Variants in TNFSF4 observed in about 807,000 individuals in gnomAD.
The protein encoded by TNFSF4 is TNF superfamily member 4, also known as tumor necrosis factor ligand superfamily member 4.
TNFSF4 carries 4 observed loss-of-function variants against 7.3 expected under a neutral mutation model. That is an observed-to-expected ratio of 0.55 (90% CI 0.27 to 1.25). The LOEUF is 1.25. TNFSF4 is among the 50% of genes most tolerant of loss of function. TNFSF4 has a pLI of 0.12. For synonymous variants in TNFSF4, 76 were observed against 83.7 expected (o/e 0.91, Z 0.50); for missense variants, 181 against 208.8 (o/e 0.87, Z 0.82).
At chr1:173,174,047 T>C in the TNFSF4 span, among the ~76,000 whole-genome samples, 15 of 152,194 alleles carry the variant, frequency 9.9e-5, no homozygotes, top group Non-Finnish European at 2.1e-4. Flanking sequence ...TCCTCTTGAA[T>C]GCTTTGCAGC....
chr1:173,302,844 T>A, the TNFSF4 span, among the ~76,000 whole-genome samples: 1 of 151,838 alleles, frequency 6.6e-6, no homozygotes, highest in Non-Finnish European at 1.5e-5. Context: ...TAACAAGTAG[T>A]GTTTTAGCCA....
the TNFSF4 span, among the ~76,000 whole-genome samples, chr1:173,433,702 CA>C: frequency 2.8e-3 from 414 of 150,272 alleles, no homozygotes; most frequent in African/African-American, 9.6e-3. Context: ...GACTTCGTCT[CA>C]AAAAAAAATA....
chr1:173,264,853 G>A, the TNFSF4 span, among the ~76,000 whole-genome samples: 30 of 152,114 alleles, frequency 2.0e-4, no homozygotes, highest in Non-Finnish European at 2.2e-4. Context: ...CTCCCTCAGG[G>A]ACACTACATT....
the TNFSF4 span, among the ~76,000 whole-genome samples, chr1:173,222,048 G>A: frequency 4.6e-5 from 7 of 152,272 alleles, no homozygotes; most frequent in African/African-American, 1.7e-4. Context: ...TATTCTTATA[G>A]TCAGTCATCT....
chr1:173,193,187 C>T (rs975661416), intron 1 of TNFSF4, among the ~76,000 whole-genome samples: 2 of 152,134 alleles, frequency 1.3e-5, no homozygotes, highest in African/African-American at 4.8e-5. Context: ...CACACATAGA[C>T]TTAGTGTTTT....
the TNFSF4 span, among the ~76,000 whole-genome samples, chr1:173,449,300 T>C: frequency 6.6e-6 from 1 of 152,114 alleles, no homozygotes; most frequent in East Asian, 1.9e-4. Flanking sequence ...TAAACCTCTT[T>C]TCTTTACAAA....
chr1:173,415,245 C>A, the TNFSF4 span, among the ~76,000 whole-genome samples: 1 of 152,224 alleles, frequency 6.6e-6, no homozygotes, highest in African/African-American at 2.4e-5. Context: ...CCACGTCTCA[C>A]ATTTCTCCTT....
At chr1:173,303,320 T>C in the TNFSF4 span, among the ~76,000 whole-genome samples, 1 of 151,852 alleles carries the variant, frequency 6.6e-6, no homozygotes, top group Non-Finnish European at 1.5e-5. Flanking sequence ...GGAATGTGCT[T>C]ATTAAGGCCC....
chr1:173,251,997 T>C, the TNFSF4 span, among the ~76,000 whole-genome samples: 1 of 152,224 alleles, frequency 6.6e-6, no homozygotes, highest in Non-Finnish European at 1.5e-5. Context: ...TGCCCTGTTA[T>C]TGTGTGGCTT....
the TNFSF4 span, among the ~76,000 whole-genome samples, chr1:173,322,360 G>A: frequency 6.6e-6 from 1 of 152,114 alleles, no homozygotes; most frequent in African/African-American, 2.4e-5. Context: ...AGAGCATTAG[G>A]ACAAATAGAT....
chr1:173,176,188 C>T, the TNFSF4 span, among the ~76,000 whole-genome samples: 5 of 151,914 alleles, frequency 3.3e-5, no homozygotes, highest in African/African-American at 4.8e-5. Flanking sequence ...AAATCATATC[C>T]GTAAAAACTA....
At chr1:173,380,166 C>T in the TNFSF4 span, among the ~76,000 whole-genome samples, 2 of 152,180 alleles carry the variant, frequency 1.3e-5, no homozygotes, top group Non-Finnish European at 1.5e-5. Context: ...ATTTCTCCTG[C>T]CTCCTCAGTT....
the TNFSF4 span, among the ~76,000 whole-genome samples, chr1:173,252,090 T>C: frequency 1.3e-5 from 2 of 152,132 alleles, no homozygotes; most frequent in Admixed American, 6.6e-5. Context: ...CTAGATCAAA[T>C]GTTTTATGTT....
chr1:173,180,390 C>G (rs1241833404), downstream of TNFSF4, among the ~76,000 whole-genome samples: 2 of 152,128 alleles, frequency 1.3e-5, no homozygotes, highest in Non-Finnish European at 2.9e-5. Flanking sequence ...ACTGTAGACA[C>G]ACAATACATA....
upstream of TNFSF4, among the ~76,000 whole-genome samples, chr1:173,209,288 T>C (rs1053065100): frequency 7.9e-5 from 12 of 152,198 alleles, no homozygotes; most frequent in Non-Finnish European, 1.5e-5. Context: ...AGGCACAGAT[T>C]TCTGATAGAC....
the TNFSF4 span, among the ~76,000 whole-genome samples, chr1:173,344,314 G>A: frequency 1.3e-5 from 2 of 152,204 alleles, no homozygotes; most frequent in African/African-American, 2.4e-5. Context: ...ATGGGGGAAA[G>A]TGTAAGAGCT....
the TNFSF4 span, among the ~76,000 whole-genome samples, chr1:173,431,270 T>C: frequency 7.2e-5 from 11 of 152,222 alleles, no homozygotes; most frequent in Non-Finnish European, 1.3e-4. Context: ...TAAATAATAA[T>C]CTTCAGGTTA....
At chr1:173,215,232 T>A in the TNFSF4 span, among the ~76,000 whole-genome samples, 1 of 152,126 alleles carries the variant, frequency 6.6e-6, no homozygotes, top group Non-Finnish European at 1.5e-5. Context: ...CCAACCATGT[T>A]GGCACACTGA....
chr1:173,425,495 G>A, the TNFSF4 span, among the ~76,000 whole-genome samples: 1 of 152,224 alleles, frequency 6.6e-6, no homozygotes, highest in Non-Finnish European at 1.5e-5. Flanking sequence ...TTGCATGTTA[G>A]ATGAGGTAAA....
Sources: gnomAD v4.1 joint callset for allele counts (sites outside exome capture counted in the v4.1 genomes callset) on GRCh38, gnomAD v4.1.1 for gene constraint, MANE v1.5 for transcripts, NCBI Gene and HGNC (gene_info 2026-07-23, HGNC 2026-07-21) for gene names.